Variants in PHF8 observed in about 807,000 individuals in gnomAD.
The protein encoded by PHF8 is histone lysine demethylase PHF8.
Under a neutral mutation model 74.4 loss-of-function variants are expected in PHF8, and 9 were observed. The observed-to-expected ratio is 0.12, with a 90% confidence interval of 0.07 to 0.21. PHF8 has a LOEUF of 0.21. Ranked by LOEUF, PHF8 falls within the 10% of genes least tolerant of loss-of-function variation. The pLI is 1.00. For missense variants in PHF8, 478 were observed against 816.6 expected, an observed-to-expected ratio of 0.59 and a Z score of 5.05; for synonymous variants, 311 against 316.6, an observed-to-expected ratio of 0.98 and a Z score of 0.19.
intron 4 of PHF8, among the ~76,000 whole-genome samples, chrX:54,021,471 T>A (rs111993033): frequency 0.014 from 1,117 of 80,925 alleles, 8 homozygotes; most frequent in Middle Eastern, 0.022. Context: ...TTTTTTTTTT[T>A]TTTTTTTTTT....
intron 6 of PHF8, among the ~76,000 whole-genome samples, chrX:54,015,575 CAAAAAAAAAAAA>C (rs202093690): frequency 3.0e-5 from 1 of 33,053 alleles, no homozygotes. Flanking sequence ...AACTCCGTCT[CAAAAAAAAAAAA>C]AAAAAAAAAA....
chrX:54,007,574 A>C (rs1360071317), intron 8 of PHF8, among the ~76,000 whole-genome samples: 1 of 112,229 alleles, frequency 8.9e-6, no homozygotes, highest in African/African-American at 3.2e-5. Flanking sequence ...CAATCTAATT[A>C]AAGAATGGGC....
At position 53,993,919 on chromosome X, in the gene PHF8, T is replaced by C; in HGVS notation, c.1324-16A>G. ...GGAAGATGTCCTACAAGAGTGTTAGTACATGAGGGGGTTAGAGCTTACTCA... is the reference window on the plus strand; with the variant it reads ...GGAAGATGTCCTACAAGAGTGTTAGCACATGAGGGGGTTAGAGCTTACTCA... On this transcript the variant is annotated splice_polypyrimidine_tract_variant and intron_variant, in intron 12 of 21. Coordinates refer to ENST00000338154, the MANE Select transcript of PHF8 (RefSeq NM_015107.3). 8.7e-7 allele frequency: 1 copy of C among 1,143,678 alleles called. No homozygotes were observed. Among genetic ancestry groups the C allele is most frequent in the South Asian group, 1.8e-5 (1 of 54,211 alleles). 94.3% of individuals were successfully genotyped at this position (1,143,678 alleles called of 1,213,427 possible). A position where few individuals can be genotyped will look rare whatever the true frequency, so the allele number is the denominator to read the frequency against.
intron 19 of PHF8, among the ~76,000 whole-genome samples, chrX:53,953,223 G>A (rs1187630026): frequency 5.8e-5 from 6 of 104,142 alleles, no homozygotes; most frequent in Non-Finnish European, 9.8e-5. Flanking sequence ...GCAGTGAGTC[G>A]CGATTGTGCC....
rs1228851220 is a variant in PHF8 at position 53,942,675 on chromosome X, C to A, written c.2649+1459G>T. ...CATACATTTATGATTGTAAGTACCA[C>A]GAATGTTGTAGAAGCATATAGAAAA... On this transcript the variant is annotated intron_variant, in intron 20 of 21. Coordinates refer to ENST00000338154, the MANE Select transcript of PHF8 (RefSeq NM_015107.3). The A allele has an allele frequency of 6.8e-6, 5 of 730,629 alleles. No homozygotes were observed. The African/African-American group carries it at 1.2e-4, about 17-fold the overall frequency. The allele number at this position is 730,629 out of a possible 1,213,427, so 60.2% of individuals were successfully genotyped here.
intron 17 of PHF8, 79 bp from the exon 18 acceptor site, chrX:53,985,306 G>T: frequency 1.2e-6 from 1 of 806,147 alleles, no homozygotes; most frequent in Non-Finnish European, 1.8e-6. Context: ...TACTCAGGGA[G>T]GAGGGATGAT....
intron 11 of PHF8, among the ~76,000 whole-genome samples, chrX:53,997,065 A>G (rs1452620535): frequency 8.9e-6 from 1 of 112,430 alleles, no homozygotes; most frequent in Non-Finnish European, 1.9e-5. Context: ...CTAATAAAAG[A>G]GTATCAAAAG....
chrX:53,998,752 T>C (rs1160591801), intron 11 of PHF8, among the ~76,000 whole-genome samples: 9 of 110,259 alleles, frequency 8.2e-5, no homozygotes, highest in African/African-American at 2.9e-4. Context: ...GCTTTCTTAT[T>C]TTTTTTTATA....
In PHF8 at chrX:53,962,986, G is replaced by C. The variant is rs370410088; in HGVS notation, c.2444-47C>G. The C allele has an allele frequency of 3.8e-6, 3 of 797,201 alleles. No homozygotes were observed. In the Admixed American group the frequency reaches 6.7e-5, roughly 18 times the overall value. The allele number at this position is 797,201 out of a possible 1,213,427, so 65.7% of individuals were successfully genotyped here. On this transcript the variant is annotated intron_variant, in intron 18 of 21. Coordinates refer to ENST00000338154, the MANE Select transcript of PHF8 (RefSeq NM_015107.3). ...GGGTAAAATGAGATTTCATCCAAAGGGTGAAGATAGAATGACACCTACTCC... is the reference window on the plus strand; with the variant it reads ...GGGTAAAATGAGATTTCATCCAAAGCGTGAAGATAGAATGACACCTACTCC...
chrX:54,026,748 C>T (rs1475622408), intron 2 of PHF8, among the ~76,000 whole-genome samples: 1 of 110,361 alleles, frequency 9.1e-6, no homozygotes, highest in Non-Finnish European at 1.9e-5. Context: ...AAGCACACAC[C>T]ACCACGCCCA....
rs1208285102 is a variant in PHF8, at chrX:53,976,778, A to G, written c.2443+8136T>C. On this transcript the variant is annotated intron_variant, in intron 18 of 21. Coordinates refer to ENST00000338154, the MANE Select transcript of PHF8 (RefSeq NM_015107.3). ...TTACCAATATCAAGAATGAGAAGGG[A>G]AAAGGGGGATATCACTAAAGACCCC... 1.2e-4 allele frequency among the ~76,000 whole-genome samples: 13 copies of G among 111,004 alleles called. 1 individual carries two copies. The highest frequency in any genetic ancestry group is 2.8e-4 in the East Asian group (1 of 3,562).
At chrX:53,992,593 T>C in intron 14 of PHF8, 143 bp downstream of exon 14, 1 of 487,938 alleles carries the variant, frequency 2.0e-6, no homozygotes, top group Non-Finnish European at 3.7e-6. Context: ...TAAGCAACAA[T>C]ACATTATAAT....
chrX:53,996,746 C>T (rs2065755627), intron 11 of PHF8, among the ~76,000 whole-genome samples: 1 of 110,861 alleles, frequency 9.0e-6, no homozygotes, highest in Admixed American at 9.7e-5. Context: ...GGGGTTTCGC[C>T]ATGTTGGCCA....
At chrX:54,021,503 C>T (rs1198815439) in intron 4 of PHF8, among the ~76,000 whole-genome samples, 1 of 74,448 alleles carries the variant, frequency 1.3e-5, no homozygotes, top group African/African-American at 5.6e-5. Flanking sequence ...GAGTCTCGCT[C>T]TGTCGCCCAG....
chrX:53,966,745 A>C (rs1557092787), intron 18 of PHF8, among the ~76,000 whole-genome samples: 1 of 107,679 alleles, frequency 9.3e-6, no homozygotes, highest in Non-Finnish European at 1.9e-5. Flanking sequence ...CTGGAAAGTG[A>C]GGAGCGTCTC....
intron 14 of PHF8, among the ~76,000 whole-genome samples, chrX:53,990,288 T>C (rs903618777): frequency 7.1e-5 from 8 of 112,182 alleles, no homozygotes; most frequent in Non-Finnish European, 1.3e-4. Flanking sequence ...CTACACCTCA[T>C]TCTCTTCAAA....
At chrX:54,018,549 A>G (rs1176255578) in intron 4 of PHF8, among the ~76,000 whole-genome samples, 2 of 109,405 alleles carry the variant, frequency 1.8e-5, no homozygotes, top group Non-Finnish European at 3.8e-5. Context: ...GGTGGAGGAA[A>G]GATTTGTATT....
chrX:53,939,065 T>TGTCCAGGGCAGATAGG lies in PHF8; in HGVS notation c.*77_*92dup. The TGTCCAGGGCAGATAGG allele has an allele frequency of 1.7e-6, 2 of 1,161,127 alleles. No homozygotes were observed. Among genetic ancestry groups the TGTCCAGGGCAGATAGG allele is most frequent in the South Asian group, 4.2e-5 (2 of 47,436 alleles). ...AGCAGGACAATGCACCTCAGCACCT[T>TGTCCAGGGCAGATAGG]GTCCAGGGCAGATAGGATCCAGGAG... is the stretch of plus-strand genomic sequence containing the variant. On this transcript the variant is annotated 3_prime_UTR_variant, in exon 22 of 22. Transcript: ENST00000338154.
chrX:54,020,319 G>A (rs897583084), intron 4 of PHF8, among the ~76,000 whole-genome samples: 2 of 112,360 alleles, frequency 1.8e-5, no homozygotes, highest in African/African-American at 6.5e-5. Flanking sequence ...AACTGGCAAC[G>A]TATGCAAAAA....
Sources: allele counts gnomAD v4.1 joint callset (sites outside exome capture counted in the v4.1 genomes callset), GRCh38; gene constraint gnomAD v4.1.1; transcripts MANE v1.5; gene names NCBI Gene and HGNC (gene_info 2026-07-23, HGNC 2026-07-21).